Variants in WTAP observed in about 807,000 individuals in gnomAD.
WTAP encodes WT1 associated protein.
WTAP carries 8 observed loss-of-function variants against 50.0 expected under a neutral mutation model. That is an observed-to-expected ratio of 0.16 (90% CI 0.09 to 0.29). WTAP has a LOEUF of 0.29. Among genes scored for constraint, WTAP ranks in the 10% least tolerant of loss-of-function variants. The pLI, the probability that WTAP is intolerant of heterozygous loss-of-function variation, is 1.00. For missense variants in WTAP, 295 were observed against 470.7 expected (o/e 0.63, Z 3.45); for synonymous variants, 194 against 169.0 (o/e 1.15, Z -1.15).
intron 1 of WTAP, among the ~76,000 whole-genome samples, chr6:159,728,505 A>G (rs1206418603): frequency 6.6e-6 from 1 of 152,216 alleles, no homozygotes; most frequent in Non-Finnish European, 1.5e-5. Flanking sequence ...ATTTGTGCCT[A>G]TTTTATCTAG....
Position 159,748,829 on chromosome 6 carries a change from T to C in WTAP, c.452+460T>C. Reference sequence around the variant, plus strand: ...AATGTAAAAACGGAATATGCATCGCTCTTAACCTTGAGCATAGTGACTTAG... The same window carrying C: ...AATGTAAAAACGGAATATGCATCGCCCTTAACCTTGAGCATAGTGACTTAG... On this transcript the variant is annotated intron_variant, in intron 6 of 7. Coordinates refer to ENST00000621533, the MANE Select transcript of WTAP (RefSeq NM_001270531.2). This position sits in a 1 kb window ranked among gnomAD's most constrained non-coding sequence, Gnocchi z 5.6. The C allele has an allele frequency of 8.2e-7, 1 of 1,226,604 alleles. No homozygotes were observed. The highest frequency in any genetic ancestry group is 1.0e-6 in the Non-Finnish European group (1 of 984,822). The allele number at this position is 1,226,604 out of a possible 1,614,324, so 76.0% of individuals were successfully genotyped here.
upstream of WTAP, chr6:159,727,025 C>T (rs1312967881): frequency 2.3e-5 from 28 of 1,234,450 alleles, no homozygotes; most frequent in Non-Finnish European, 2.6e-5. Context: ...AGCCCCGCAG[C>T]CGCAGGTGGC....
intron 7 of WTAP, among the ~76,000 whole-genome samples, 185 bp from the exon 8 acceptor site, chr6:159,754,842 CT>C (rs1457474382): frequency 6.6e-6 from 1 of 152,116 alleles, no homozygotes; most frequent in African/African-American, 2.4e-5. Flanking sequence ...AAGTATCTGA[CT>C]TCCCCCAAAA....
chr6:159,755,760 C>CTTTTTTTTT lies in WTAP; in HGVS notation c.*153_*154insTTTTTTTTT, dbSNP rs1779984995. On this transcript the variant is annotated 3_prime_UTR_variant, in exon 8 of 8. Transcript: ENST00000621533. ...TGTTTTTTTTCTTTGTTTTTTTTTT[C>CTTTTTTTTT]TTTTCTTTTTTTTTTTTTTTTTTTT... is the stretch of plus-strand genomic sequence containing the variant. 7.1e-5 allele frequency: 20 copies of CTTTTTTTTT among 283,674 alleles called. No homozygotes were observed. The highest frequency in any genetic ancestry group is 2.7e-4 in the Admixed American group (2 of 7,442). 17.6% of individuals were successfully genotyped at this position (283,674 alleles called of 1,614,324 possible). A position where few individuals can be genotyped will look rare whatever the true frequency, so the allele number is the denominator to read the frequency against.
intron 6 of WTAP, among the ~76,000 whole-genome samples, chr6:159,750,842 A>G (rs569141380): frequency 0.012 from 797 of 63,986 alleles, 5 homozygotes; most frequent in African/African-American, 0.033. Flanking sequence ...GGCTCAGGCA[A>G]TCCCGTCTGG....
chr6:159,745,730 C>T (rs1450236245), intron 5 of WTAP, among the ~76,000 whole-genome samples: 4 of 152,172 alleles, frequency 2.6e-5, no homozygotes, highest in Non-Finnish European at 5.9e-5. Flanking sequence ...TTAGGTAGAT[C>T]ACTCTGACTT....
In WTAP at chr6:159,753,490, T is replaced by C; in HGVS notation, c.483T>C (p.Cys161=). ...CAGGGAAAAAGTTAATGGCGAAGTG[T>C]CGAATGCTTATCCAGGAGAATCAAG... ...SQTGKKLMAK[C]RMLIQENQEL... The change falls in exon 7 of 8, where the codon TGT becomes TGC. Residue 161 remains cysteine, a synonymous_variant. Coordinates refer to ENST00000621533, the MANE Select transcript of WTAP (RefSeq NM_001270531.2). 6.2e-7 allele frequency: 1 copy of C among 1,614,180 alleles called. No homozygotes were observed. Among genetic ancestry groups the C allele is most frequent in the South Asian group, 1.1e-5 (1 of 91,076 alleles).
Position 159,755,313 on chromosome 6 carries a change from C to G in WTAP, c.893C>G (p.Thr298Arg), listed in dbSNP as rs755909401. ...TCTGGATTTCACAGGGAGGGCAACA[C>G]AACCGAAGATGACTTTCCTTCTTCT... ...SGSGFHREGN[T>R]TEDDFPSSPG... Residue 298 changes from threonine (T) to arginine (R), a missense_variant, in exon 8 of 8, where the codon ACA (threonine) becomes AGA (arginine). By Grantham distance (71) the Thr-to-Arg change is moderately conservative. This residue lies in a region of WTAP where 175 missense variants were observed against 183.1 expected (regional missense o/e 0.96). Coordinates refer to ENST00000621533, the MANE Select transcript of WTAP (RefSeq NM_001270531.2). 6.2e-7 allele frequency: 1 copy of G among 1,614,242 alleles called. No individual in the cohort carries two copies. Among genetic ancestry groups the G allele is most frequent in the Non-Finnish European group, 8.5e-7 (1 of 1,180,042 alleles).
At chr6:159,753,712 T>C (rs1779901573) in intron 7 of WTAP, 98 bp downstream of exon 7, 1 of 1,406,158 alleles carries the variant, frequency 7.1e-7, no homozygotes, top group South Asian at 1.4e-5. Context: ...CTGTACATTG[T>C]TAACCTCTGC....
intron 6 of WTAP, among the ~76,000 whole-genome samples, chr6:159,751,017 C>T (rs1265110589): frequency 6.6e-6 from 1 of 152,224 alleles, no homozygotes; most frequent in Non-Finnish European, 1.5e-5. Flanking sequence ...AGAATGCACA[C>T]ATTTTAGAGT....
Position 159,755,765 on chromosome 6 carries a change from C to CTTTGTTTTTTTTTTTTTTTTTT in WTAP, c.*157_*158insGTTTTTTTTTTTTTTTTTTTTT, listed in dbSNP as rs1779987903. ...TTTTTCTTTGTTTTTTTTTTCTTTT[C>CTTTGTTTTTTTTTTTTTTTTTT]TTTTTTTTTTTTTTTTTTTTTTTTT... On this transcript the variant is annotated 3_prime_UTR_variant, in exon 8 of 8. Transcript: ENST00000621533. 6.2e-6 allele frequency: 1 copy of CTTTGTTTTTTTTTTTTTTTTTT among 160,626 alleles called. No homozygotes were observed. Among genetic ancestry groups the CTTTGTTTTTTTTTTTTTTTTTT allele is most frequent in the African/African-American group, 9.0e-5 (1 of 11,068 alleles). The allele number at this position is 160,626 out of a possible 1,614,324, so 10.0% of individuals were successfully genotyped here.
At chr6:159,729,850 GC>G (rs1778460779) in intron 1 of WTAP, among the ~76,000 whole-genome samples, 2 of 152,184 alleles carry the variant, frequency 1.3e-5, no homozygotes. Flanking sequence ...GCTGGCGCTT[GC>G]CTCCGTTCAG....
chr6:159,731,190 G>GCA (rs1778547115), intron 1 of WTAP, among the ~76,000 whole-genome samples: 1 of 151,858 alleles, frequency 6.6e-6, no homozygotes. Context: ...GGCTGGGCAT[G>GCA]GTGGCTCACA....
intron 1 of WTAP, among the ~76,000 whole-genome samples, chr6:159,730,609 A>G (rs527961401): frequency 6.6e-6 from 1 of 152,356 alleles, no homozygotes; most frequent in African/African-American, 2.4e-5. Context: ...GGCGCATTTA[A>G]CTTTGTGGCA....
chr6:159,743,517 C>A, intron 4 of WTAP, 148 bp from the exon 5 acceptor site: 1 of 677,884 alleles, frequency 1.5e-6, no homozygotes, highest in Non-Finnish European at 2.3e-6. Flanking sequence ...GCTCTCGTGA[C>A]CAGGAAGAAA....
chr6:159,745,155 T>G (rs1779498589), intron 5 of WTAP: 1 of 152,238 alleles, frequency 6.6e-6, no homozygotes, highest in African/African-American at 2.4e-5. Flanking sequence ...ACTTGGGAGA[T>G]AGAGTGTGAA....
intron 5 of WTAP, among the ~76,000 whole-genome samples, chr6:159,747,216 C>CAT (rs1413158175): frequency 2.0e-5 from 3 of 152,116 alleles, no homozygotes; most frequent in Non-Finnish European, 4.4e-5. Flanking sequence ...AACTATATTT[C>CAT]ATATTTTAGA....
intron 1 of WTAP, among the ~76,000 whole-genome samples, chr6:159,734,141 A>G (rs1778759423): frequency 6.6e-6 from 1 of 152,166 alleles, no homozygotes; most frequent in Non-Finnish European, 1.5e-5. Flanking sequence ...CTCAAAATCA[A>G]GTGGGAGAAA....
intron 2 of WTAP, among the ~76,000 whole-genome samples, chr6:159,738,768 G>C (rs1441353082): frequency 6.6e-6 from 1 of 151,926 alleles, no homozygotes; most frequent in Admixed American, 6.6e-5. Flanking sequence ...GGTGATACCT[G>C]GGGTTTTAAT....
Sources: gnomAD v4.1 joint callset for allele counts (sites outside exome capture counted in the v4.1 genomes callset) on GRCh38, gnomAD v4.1.1 for gene constraint, gnomAD v4.1.1 regional missense constraint, Gnocchi (gnomAD v3.1) non-coding constraint, MANE v1.5 for transcripts, NCBI Gene and HGNC (gene_info 2026-07-23, HGNC 2026-07-21) for gene names.